The following PCDHGA2 variants were observed in gnomAD, a reference collection of about 807,000 sequenced individuals.
PCDHGA2 encodes the protein protocadherin gamma-A2.
PCDHGA2 carries 40 observed loss-of-function variants against 59.2 expected under a neutral mutation model. The ratio of observed to expected loss-of-function variants is 0.68; its 90% CI spans 0.52 to 0.88. PCDHGA2 has a LOEUF of 0.88. Among genes scored for constraint, PCDHGA2 ranks in the 40% least tolerant of loss-of-function variants. The pLI, the probability that PCDHGA2 is intolerant of heterozygous loss-of-function variation, is 0.00. For synonymous variants in PCDHGA2, 560 were observed against 526.0 expected (o/e 1.06, Z -0.89); for missense variants, 1,226 against 1,204.0 (o/e 1.02, Z -0.27).
At chr5:141,497,129 T>G (rs528066007) in intron 2 of PCDHGA2, among the ~76,000 whole-genome samples, 1 of 151,692 alleles carries the variant, frequency 6.6e-6, no homozygotes, top group Admixed American at 6.6e-5. Flanking sequence ...GAGGTTGCAG[T>G]GAGCTGAGAT....
chr5:141,355,407 AG>A (rs1759842814), intron 1 of PCDHGA2: 1 of 1,614,050 alleles, frequency 6.2e-7, no homozygotes, highest in Non-Finnish European at 8.5e-7. Context: ...TCGTCTCCAG[AG>A]GTAGGACGCA....
rs911461762 is a variant in PCDHGA2 at position 141,512,938 on chromosome 5, T to C, written c.*1765T>C. The stretch of plus-strand genomic sequence containing the variant: ...ACTCTAATATTTATATGGCTTTTTT[T>C]CTTCGACAAAAAAATAATAAAACGT... On this transcript the variant is annotated 3_prime_UTR_variant, in exon 4 of 4. Coordinates refer to ENST00000394576, the MANE Select transcript of PCDHGA2 (RefSeq NM_018915.4). 6.6e-6 allele frequency: 1 copy of C among 151,928 alleles called. No homozygotes were observed. Among genetic ancestry groups the C allele is most frequent in the Non-Finnish European group, 1.5e-5 (1 of 67,934 alleles). The allele number at this position is 151,928 out of a possible 1,614,324, so 9.4% of individuals were successfully genotyped here.
At position 141,485,184 on chromosome 5, in the gene PCDHGA2, A is replaced by G. The variant is rs1415940980; in HGVS notation, c.2425-9623A>G. ...TAGCGGGCGGCAGCAATGCTCCGCA[A>G]GGTGAGAAGCTGGACAGAAATCTGG... On this transcript the variant is annotated intron_variant, in intron 1 of 3. Transcript: ENST00000394576. This position sits in a 1 kb window ranked among gnomAD's most constrained non-coding sequence, Gnocchi z 5.7. The G allele has an allele frequency of 6.2e-7, 1 of 1,613,152 alleles. No individual in the cohort carries two copies. The highest frequency in any genetic ancestry group is 1.3e-5 in the African/African-American group (1 of 74,938).
rs2096144450 is a variant in PCDHGA2 at position 141,417,665 on chromosome 5, T to C, written c.2424+76270T>C. On this transcript the variant is annotated intron_variant, in intron 1 of 3. Coordinates refer to ENST00000394576, the MANE Select transcript of PCDHGA2 (RefSeq NM_018915.4). ...CCTCAGCCTCTAGCCTGGGATTCCCTGCGCAGCCAACAACAGAAAAGAAAA... is the reference window on the plus strand; with the variant it reads ...CCTCAGCCTCTAGCCTGGGATTCCCCGCGCAGCCAACAACAGAAAAGAAAA... 3.3e-6 allele frequency: 3 copies of C among 915,730 alleles called. No individual in the cohort carries two copies. In the South Asian group the frequency reaches 5.8e-5, roughly 18 times the overall value. 56.7% of individuals were successfully genotyped at this position (915,730 alleles called of 1,614,324 possible).
chr5:141,389,647 AG>A, intron 1 of PCDHGA2: 10 of 1,612,908 alleles, frequency 6.2e-6, no homozygotes, highest in Non-Finnish European at 8.5e-6. Flanking sequence ...TTGGTGACCA[AG>A]GTAGTGGCGG....
At chr5:141,488,260 G>A (rs1297588710) in intron 1 of PCDHGA2, among the ~76,000 whole-genome samples, 2 of 152,182 alleles carry the variant, frequency 1.3e-5, no homozygotes, top group Non-Finnish European at 1.5e-5. Context: ...AGGTTGGGGC[G>A]GGTTGGTCAT....
In PCDHGA2 at chr5:141,338,852, G is replaced by C; in HGVS notation, c.-120G>C. ...AGAAATTCAGTCGAACAGCCCACCA[G>C]TTCTCTCCATAGGGACCTGGGTCCC... On this transcript the variant is annotated 5_prime_UTR_variant, in exon 1 of 4. Coordinates refer to ENST00000394576, the MANE Select transcript of PCDHGA2 (RefSeq NM_018915.4). 1 of 1,424,172 alleles carries C rather than the reference G, an allele frequency of 7.0e-7. No individual in the cohort carries two copies. Among genetic ancestry groups the C allele is most frequent in the Non-Finnish European group, 9.2e-7 (1 of 1,091,480 alleles). The allele number at this position is 1,424,172 out of a possible 1,614,324, so 88.2% of individuals were successfully genotyped here. A position where few individuals can be genotyped will look rare whatever the true frequency, so the allele number is the denominator to read the frequency against.
intron 1 of PCDHGA2, chr5:141,367,597 T>C (rs561845144): frequency 7.2e-5 from 11 of 152,152 alleles, no homozygotes; most frequent in African/African-American, 2.6e-4. Context: ...ATAAAATTTA[T>C]ATTAATGATA....
rs907427230 is a variant in PCDHGA2, at chr5:141,489,936, G to A, written c.2425-4871G>A. 4 of 1,614,096 alleles carry A rather than the reference G, an allele frequency of 2.5e-6. No homozygotes were observed. In the African/African-American group the frequency reaches 5.3e-5, roughly 22 times the overall value. ...GGACCACCCTTATCTCTGTCATCGT[G>A]CTGGACATCAATGATAATGCTCCAA... is the stretch of plus-strand genomic sequence containing the variant. On this transcript the variant is annotated intron_variant, in intron 1 of 3. Coordinates refer to ENST00000394576, the MANE Select transcript of PCDHGA2 (RefSeq NM_018915.4). This position sits in a 1 kb window ranked among gnomAD's most constrained non-coding sequence, Gnocchi z 4.5.
intron 1 of PCDHGA2, chr5:141,375,115 A>G (rs987989099): frequency 1.2e-6 from 2 of 1,613,958 alleles, no homozygotes; most frequent in Non-Finnish European, 1.7e-6. Flanking sequence ...ATGATAATGT[A>G]CCAGAAGTGG....
chr5:141,423,332 C>G, intron 1 of PCDHGA2: 2 of 1,614,198 alleles, frequency 1.2e-6, no homozygotes, highest in Non-Finnish European at 1.7e-6. Flanking sequence ...GCCGCAGTCT[C>G]CTGCATCTTC....
At position 141,356,482 on chromosome 5, in the gene PCDHGA2, G is replaced by A. The variant is rs754929117; in HGVS notation, c.2424+15087G>A. On this transcript the variant is annotated intron_variant, in intron 1 of 3. Coordinates refer to ENST00000394576, the MANE Select transcript of PCDHGA2 (RefSeq NM_018915.4). ...CATCACTGTAACTGCCACTGACCAGGGAACTCCTCCACTGTCTACAGAAAC... is the reference window on the plus strand; with the variant it reads ...CATCACTGTAACTGCCACTGACCAGAGAACTCCTCCACTGTCTACAGAAAC... 6.8e-6 allele frequency: 11 copies of A among 1,613,940 alleles called. No individual in the cohort carries two copies. In the South Asian group the frequency reaches 9.9e-5, roughly 14 times the overall value.
At chr5:141,474,461 CTT>C (rs1264129273) in intron 1 of PCDHGA2, among the ~76,000 whole-genome samples, 1 of 152,214 alleles carries the variant, frequency 6.6e-6, no homozygotes, top group East Asian at 1.9e-4. Context: ...GGGCTATACT[CTT>C]TATTCTAAAT....
chr5:141,505,026 G>T (rs190826538), intron 2 of PCDHGA2, among the ~76,000 whole-genome samples: 1 of 152,198 alleles, frequency 6.6e-6, no homozygotes, highest in South Asian at 2.1e-4. Context: ...GCCTGGCACA[G>T]TGGCAGGTGC....
At chr5:141,447,837 G>A (rs952923627) in intron 1 of PCDHGA2, among the ~76,000 whole-genome samples, 10 of 152,170 alleles carry the variant, frequency 6.6e-5, no homozygotes, top group African/African-American at 2.4e-4. Flanking sequence ...TGTAATCCCA[G>A]TGCTTTGGGA....
intron 1 of PCDHGA2, chr5:141,375,586 G>A: frequency 6.2e-7 from 1 of 1,614,128 alleles, no homozygotes; most frequent in Non-Finnish European, 8.5e-7. Flanking sequence ...GGGCGCCCCT[G>A]TCCTCCTACG....
At chr5:141,427,958 G>A (rs1266312663) in intron 1 of PCDHGA2, 3 of 1,588,290 alleles carry the variant, frequency 1.9e-6, no homozygotes, top group Admixed American at 1.7e-5. Context: ...ACAATGTGCC[G>A]CGGGTGCTGT....
rs543657386 is a variant in PCDHGA2, at chr5:141,370,919, T to C, written c.2424+29524T>C. 135 of 1,613,966 alleles carry C rather than the reference T, an allele frequency of 8.4e-5. No homozygotes were observed. The South Asian group carries it at 1.4e-3, about 17-fold the overall frequency. On this transcript the variant is annotated intron_variant, in intron 1 of 3. Coordinates refer to ENST00000394576, the MANE Select transcript of PCDHGA2 (RefSeq NM_018915.4). ...TGCAGCAGTACTACCTCAGCCCTGA[T>C]CCGCACTTCTCTTTGATTCAGAAGG... is the stretch of plus-strand genomic sequence containing the variant.
chr5:141,376,590 G>T, intron 1 of PCDHGA2: 3 of 1,570,160 alleles, frequency 1.9e-6, no homozygotes, highest in Non-Finnish European at 1.7e-6. Flanking sequence ...CAGCTAGATC[G>T]GCTGTTATAG....
Sources: allele counts gnomAD v4.1 joint callset (sites outside exome capture counted in the v4.1 genomes callset), GRCh38; gene constraint gnomAD v4.1.1; non-coding constraint Gnocchi (gnomAD v3.1); transcripts MANE v1.5; gene names NCBI Gene and HGNC (gene_info 2026-07-23, HGNC 2026-07-21).